The following ASPSCR1 variants were observed in gnomAD, a reference collection of about 807,000 sequenced individuals.
ASPSCR1 encodes the protein tether containing UBX domain for GLUT4.
Under a neutral mutation model 68.9 loss-of-function variants are expected in ASPSCR1, and 55 were observed. The observed-to-expected ratio is 0.80, with a 90% CI of 0.64 to 1.00. The LOEUF is 1.00. ASPSCR1 is among the 50% of genes least tolerant of loss of function. The pLI is 0.00. For synonymous variants in ASPSCR1, 352 were observed against 332.6 expected, an observed-to-expected ratio of 1.06 and a Z score of -0.63; for missense variants, 765 against 762.2, an observed-to-expected ratio of 1.00 and a Z score of -0.04.
At chr17:81,991,819 C>T (rs1037996107) in intron 4 of ASPSCR1, among the ~76,000 whole-genome samples, 5 of 152,246 alleles carry the variant, frequency 3.3e-5, no homozygotes, top group East Asian at 1.9e-4. Context: ...CCTGGGCTCT[C>T]GTCAGCACCT....
chr17:81,998,068 C>G (rs1567974602), intron 7 of ASPSCR1, among the ~76,000 whole-genome samples: 1 of 151,596 alleles, frequency 6.6e-6, no homozygotes, highest in Non-Finnish European at 1.5e-5. Flanking sequence ...CTCAGGTGAT[C>G]CGCCCGCCTC....
intron 4 of ASPSCR1, 40 bp downstream of exon 4, chr17:81,985,647 T>G (rs2041972474): frequency 6.3e-7 from 1 of 1,582,048 alleles, no homozygotes; most frequent in African/African-American, 1.3e-5. Flanking sequence ...CTACCCTGTT[T>G]GCTGGGGAAG....
chr17:81,996,107 A>G, intron 6 of ASPSCR1, 42 bp downstream of exon 6: 1 of 1,522,110 alleles, frequency 6.6e-7, no homozygotes, highest in African/African-American at 1.4e-5. Flanking sequence ...TATTTAGCTA[A>G]AAAAAAAAGT....
chr17:81,985,724 T>C, intron 4 of ASPSCR1, 117 bp downstream of exon 4: 2 of 1,025,314 alleles, frequency 2.0e-6, no homozygotes, highest in South Asian at 1.5e-5. Flanking sequence ...GTGGTGCCTC[T>C]TGGCACTTTG....
chr17:82,015,287 A>G (rs2043084433), intron 12 of ASPSCR1: 1 of 1,598,064 alleles, frequency 6.3e-7, no homozygotes, highest in Non-Finnish European at 8.5e-7. Flanking sequence ...CCTCTCCACC[A>G]TCCCCTCGTC....
chr17:82,009,356 C>T, intron 8 of ASPSCR1, 130 bp from the exon 9 acceptor site: 1 of 1,357,438 alleles, frequency 7.4e-7, no homozygotes, highest in Non-Finnish European at 9.9e-7. Flanking sequence ...GAGGGGCGTC[C>T]AGACCTTCCT....
chr17:81,985,183 A>G (rs1207807658), intron 3 of ASPSCR1, among the ~76,000 whole-genome samples: 3 of 139,546 alleles, frequency 2.1e-5, no homozygotes, highest in Non-Finnish European at 3.1e-5. Flanking sequence ...CCCACACACC[A>G]ACATGCACAC....
In ASPSCR1 at chr17:81,987,185, G is replaced by A. The variant is rs1470075668; in HGVS notation, c.374+1578G>A. 2.0e-5 allele frequency among the ~76,000 whole-genome samples: 3 copies of A among 148,826 alleles called. No individual in the cohort carries two copies. Among genetic ancestry groups the A allele is most frequent in the Non-Finnish European group, 3.0e-5 (2 of 67,548 alleles). On this transcript the variant is annotated intron_variant, in intron 4 of 15. Transcript: ENST00000306739. This position sits in a 1 kb window ranked among gnomAD's most constrained non-coding sequence, Gnocchi z 5.6. ...CCACGGGCAGGGGTGAGCGGGACCC[G>A]AGGCAGGAGATGACGGAGCCTGAGA...
At position 82,016,457 on chromosome 17, in the gene ASPSCR1, C is replaced by T. The variant is rs770847900; in HGVS notation, c.1354-19C>T. 8.4e-6 allele frequency: 13 copies of T among 1,545,486 alleles called. No individual in the cohort carries two copies. The highest frequency in any genetic ancestry group is 2.7e-5 in the African/African-American group (2 of 72,950). ...GCTCTGCCCACACCCGGCCCCTGAG[C>T]CCCCCGCCCTCCCTGCAGGCGAACC... On this transcript the variant is annotated intron_variant, in intron 12 of 15. Coordinates refer to ENST00000306739, the MANE Select transcript of ASPSCR1 (RefSeq NM_024083.4).
Position 81,977,680 on chromosome 17 carries a change from G to T in ASPSCR1, c.34G>T (p.Val12Leu). ...AAPAGGGGSA[V>L]SVLAPNGRRH... The stretch of plus-strand genomic sequence containing the variant: ...CCCGGCAGGCGGCGGAGGCTCCGCG[G>T]TGTCGGTGCTGGCCCCGAACGGCCG... Residue 12 changes from valine to leucine, a missense_variant, in exon 1 of 16, where the codon GTG (valine) becomes TTG (leucine). Physicochemically the swap from Val to Leu is conservative, Grantham distance 32. Coordinates refer to ENST00000306739, the MANE Select transcript of ASPSCR1 (RefSeq NM_024083.4). The surrounding 1 kb of genome is among the most constrained non-coding windows in gnomAD (Gnocchi z 5.0). 1 of 1,398,566 alleles carries T rather than the reference G, an allele frequency of 7.2e-7. No homozygotes were observed. The highest frequency in any genetic ancestry group is 9.3e-7 in the Non-Finnish European group (1 of 1,071,576). The allele number at this position is 1,398,566 out of a possible 1,614,324, so 86.6% of individuals were successfully genotyped here. A position where few individuals can be genotyped will look rare whatever the true frequency, so the allele number is the denominator to read the frequency against.
chr17:82,010,984 C>G, intron 10 of ASPSCR1, 116 bp downstream of exon 10: 1 of 1,271,412 alleles, frequency 7.9e-7, no homozygotes, highest in Middle Eastern at 2.7e-4. Context: ...CTCCAGGGCA[C>G]TGGGTGGGTG....
At chr17:81,992,819 A>G (rs2042216145) in intron 4 of ASPSCR1, among the ~76,000 whole-genome samples, 1 of 152,042 alleles carries the variant, frequency 6.6e-6, no homozygotes, top group Non-Finnish European at 1.5e-5. Context: ...GTGGGACGGG[A>G]GCTTAGGGAG....
chr17:81,998,032 G>C (rs1193660174), intron 7 of ASPSCR1, among the ~76,000 whole-genome samples: 3 of 149,200 alleles, frequency 2.0e-5, no homozygotes, highest in African/African-American at 7.4e-5. Context: ...TCACCATGTT[G>C]GCCAGGCTGG....
At chr17:82,012,199 C>T (rs2042971990) in intron 11 of ASPSCR1, 32 bp from the exon 12 acceptor site, 1 of 1,608,692 alleles carries the variant, frequency 6.2e-7, no homozygotes, top group Non-Finnish European at 8.5e-7. Flanking sequence ...GTCCACGGTG[C>T]TTCCTAACAC....
chr17:81,991,837 C>T (rs578197146), intron 4 of ASPSCR1, among the ~76,000 whole-genome samples: 8 of 152,372 alleles, frequency 5.3e-5, no homozygotes, highest in South Asian at 2.1e-4. Context: ...CCTGTGTTTG[C>T]GCCCGGCTTT....
intron 4 of ASPSCR1, among the ~76,000 whole-genome samples, chr17:81,988,580 A>G (rs1186217761): frequency 6.6e-6 from 1 of 152,122 alleles, no homozygotes; most frequent in Non-Finnish European, 1.5e-5. Context: ...TCTGTGTGGC[A>G]GTGTGGGTCT....
At chr17:82,016,424 A>G in intron 12 of ASPSCR1, 52 bp from the exon 13 acceptor site, 1 of 1,498,922 alleles carries the variant, frequency 6.7e-7, no homozygotes, top group South Asian at 1.2e-5. Flanking sequence ...CCTTCACAGC[A>G]GGGGGGTGCT....
chr17:82,013,643 C>T (rs1258746832), intron 12 of ASPSCR1: 1 of 152,316 alleles, frequency 6.6e-6, no homozygotes, highest in African/African-American at 2.4e-5. Flanking sequence ...AGGGGCCGGC[C>T]CCCGGCTTCC....
chr17:81,978,556 C>T (rs2041689507), intron 1 of ASPSCR1: 1 of 152,232 alleles, frequency 6.6e-6, no homozygotes, highest in Non-Finnish European at 1.5e-5. Context: ...TTTATTGAGC[C>T]TCTGCTGCGT....
Sources: allele counts gnomAD v4.1 joint callset (sites outside exome capture counted in the v4.1 genomes callset), GRCh38; gene constraint gnomAD v4.1.1; non-coding constraint Gnocchi (gnomAD v3.1); transcripts MANE v1.5; gene names NCBI Gene and HGNC (gene_info 2026-07-23, HGNC 2026-07-21).